The following SLC25A21 variants were observed in gnomAD, a reference collection of about 807,000 sequenced individuals.
The protein encoded by SLC25A21 is solute carrier family 25 member 21.
In SLC25A21, 47 loss-of-function variants were observed where a neutral mutation model predicts 43.8. That is an observed-to-expected ratio of 1.07 (90% CI 0.85 to 1.37). SLC25A21 has a LOEUF of 1.37. Among genes scored for constraint, SLC25A21 ranks in the 40% most tolerant of loss-of-function variants. The pLI is 0.00. For synonymous variants in SLC25A21, 131 were observed against 121.3 expected (o/e 1.08, Z -0.52); for missense variants, 352 against 350.2 (o/e 1.00, Z -0.04).
At chr14:37,129,234 C>T (rs1395799003) in intron 1 of SLC25A21, among the ~76,000 whole-genome samples, 2 of 152,214 alleles carry the variant, frequency 1.3e-5, no homozygotes, top group Admixed American at 6.5e-5. Context: ...AACAGCTATA[C>T]TCCACAGTCT....
At chr14:36,918,992 C>T (rs1475331206) in intron 1 of SLC25A21, among the ~76,000 whole-genome samples, 7 of 151,854 alleles carry the variant, frequency 4.6e-5, no homozygotes, top group Admixed American at 4.6e-4. Flanking sequence ...GGGAATTAGA[C>T]AGTAAATAGA....
At chr14:37,055,899 C>A (rs905985524) in intron 1 of SLC25A21, among the ~76,000 whole-genome samples, 5 of 149,162 alleles carry the variant, frequency 3.4e-5, no homozygotes, top group African/African-American at 1.2e-4. Context: ...TCATGCAAAT[C>A]TCATGTTGAA....
intron 3 of SLC25A21, among the ~76,000 whole-genome samples, chr14:36,771,310 T>C (rs977030937): frequency 9.2e-5 from 14 of 152,184 alleles, no homozygotes; most frequent in African/African-American, 3.4e-4. Flanking sequence ...AATAAATCAC[T>C]GATTTAATCG....
At position 37,162,218 on chromosome 14, in the gene SLC25A21, T is replaced by C. The variant is rs182656924; in HGVS notation, c.70+10063A>G. ...ATTTTCTCCCATTTTGTAGGTTGCC[T>C]GTTCACTCTGATGGTAGTTTCTTTT... On this transcript the variant is annotated intron_variant, in intron 1 of 9. Coordinates refer to ENST00000331299, the MANE Select transcript of SLC25A21 (RefSeq NM_030631.4). Among the ~76,000 whole-genome samples the C allele has an allele frequency of 3.0e-3, 456 of 152,276 alleles. 4 individuals are homozygous for C. In the East Asian group the frequency reaches 0.04, roughly 13 times the overall value.
intron 1 of SLC25A21, among the ~76,000 whole-genome samples, chr14:37,167,268 C>CT (rs1287055127): frequency 6.6e-6 from 1 of 152,140 alleles, no homozygotes; most frequent in East Asian, 1.9e-4. Context: ...TCTATAGAGT[C>CT]TTTTTTTCTC....
intron 1 of SLC25A21, among the ~76,000 whole-genome samples, chr14:36,882,095 A>G (rs1154119): frequency 6.6e-6 from 1 of 152,158 alleles, no homozygotes; most frequent in Non-Finnish European, 1.5e-5. Flanking sequence ...AGAATAGCAT[A>G]TATCTGGCTG....
intron 1 of SLC25A21, among the ~76,000 whole-genome samples, chr14:36,959,142 G>A (rs1256394209): frequency 5.3e-5 from 8 of 152,088 alleles, no homozygotes; most frequent in Admixed American, 2.6e-4. Context: ...AGTGGGTGTC[G>A]CTGCCATAAT....
intron 1 of SLC25A21, among the ~76,000 whole-genome samples, chr14:37,100,813 T>C (rs1170889940): frequency 6.6e-6 from 1 of 152,196 alleles, no homozygotes; most frequent in Admixed American, 6.5e-5. Flanking sequence ...AGTTTCCGTA[T>C]GAAAGGAATT....
chr14:37,077,198 G>T (rs1962298713), intron 1 of SLC25A21, among the ~76,000 whole-genome samples: 1 of 152,082 alleles, frequency 6.6e-6, no homozygotes, highest in Non-Finnish European at 1.5e-5. Context: ...AACAAGCATT[G>T]ATAAAGTTTT....
At chr14:37,023,294 A>G (rs564702048) in intron 1 of SLC25A21, among the ~76,000 whole-genome samples, 1 of 152,026 alleles carries the variant, frequency 6.6e-6, no homozygotes, top group Non-Finnish European at 1.5e-5. Context: ...TGCTGCCAGG[A>G]AACTTCAGAT....
intron 3 of SLC25A21, among the ~76,000 whole-genome samples, chr14:36,809,295 T>C (rs1195056019): frequency 6.6e-6 from 1 of 152,220 alleles, no homozygotes; most frequent in Non-Finnish European, 1.5e-5. Context: ...ATTTCTTTAC[T>C]GCTTCATTTT....
chr14:37,123,489 C>T (rs1483514883), intron 1 of SLC25A21, among the ~76,000 whole-genome samples: 2 of 152,170 alleles, frequency 1.3e-5, no homozygotes, highest in African/African-American at 4.8e-5. Flanking sequence ...TAAGCCTTCA[C>T]ATTTTCCCAT....
chr14:36,920,496 A>T (rs997984259), intron 1 of SLC25A21, among the ~76,000 whole-genome samples: 1 of 152,000 alleles, frequency 6.6e-6, no homozygotes, highest in Non-Finnish European at 1.5e-5. Flanking sequence ...GATTCCACAT[A>T]TTGAGAAGGT....
At chr14:36,788,296 G>A (rs992864783) in intron 3 of SLC25A21, among the ~76,000 whole-genome samples, 1 of 151,792 alleles carries the variant, frequency 6.6e-6, no homozygotes, top group African/African-American at 2.4e-5. Flanking sequence ...AAGGATTACT[G>A]AGCAAACAGA....
At chr14:37,037,185 A>G (rs1032545570) in intron 1 of SLC25A21, among the ~76,000 whole-genome samples, 1 of 152,122 alleles carries the variant, frequency 6.6e-6, no homozygotes, top group African/African-American at 2.4e-5. Flanking sequence ...TTTTCACACA[A>G]TTTACTAAGA....
At chr14:36,774,638 G>A (rs1886754309) in intron 3 of SLC25A21, among the ~76,000 whole-genome samples, 1 of 151,978 alleles carries the variant, frequency 6.6e-6, no homozygotes, top group Non-Finnish European at 1.5e-5. Flanking sequence ...TGTGATCAAG[G>A]CTCACTGCAG....
At chr14:36,953,640 C>T (rs1362155875) in intron 1 of SLC25A21, among the ~76,000 whole-genome samples, 2 of 152,150 alleles carry the variant, frequency 1.3e-5, no homozygotes, top group Non-Finnish European at 2.9e-5. Flanking sequence ...CTGGCAGAAA[C>T]TCATTTTGGC....
At chr14:36,882,640 C>G (rs376468687) in intron 1 of SLC25A21, among the ~76,000 whole-genome samples, 1 of 152,114 alleles carries the variant, frequency 6.6e-6, no homozygotes, top group Non-Finnish European at 1.5e-5. Context: ...CCTACACTCA[C>G]TCTCTTGGTG....
At chr14:36,919,518 C>T (rs1468074008) in intron 1 of SLC25A21, among the ~76,000 whole-genome samples, 1 of 151,944 alleles carries the variant, frequency 6.6e-6, no homozygotes, top group Non-Finnish European at 1.5e-5. Context: ...TCTCTATCTC[C>T]TGAAATGTTT....
Sources: gnomAD v4.1 joint callset for allele counts (sites outside exome capture counted in the v4.1 genomes callset) on GRCh38, gnomAD v4.1.1 for gene constraint, MANE v1.5 for transcripts, NCBI Gene and HGNC (gene_info 2026-07-23, HGNC 2026-07-21) for gene names.